CACNB2: variants seen among roughly 807,000 people sequenced by gnomAD.
CACNB2 encodes voltage-dependent L-type calcium channel subunit beta-2.
In CACNB2, 42 loss-of-function variants were observed where a neutral mutation model predicts 73.3. The ratio of observed to expected loss-of-function variants is 0.57; its 90% confidence interval spans 0.45 to 0.74. CACNB2 has a LOEUF of 0.74. CACNB2 is among the 30% of genes least tolerant of loss of function. CACNB2 has a pLI of 0.00. For missense variants in CACNB2, 940 were observed against 853.0 expected (o/e 1.10, Z -1.27); for synonymous variants, 348 against 310.3 (o/e 1.12, Z -1.28).
chr10:18,269,254 T>C (rs1028799494), intron 2 of CACNB2, among the ~76,000 whole-genome samples: 7 of 152,200 alleles, frequency 4.6e-5, no homozygotes, highest in African/African-American at 1.7e-4. Flanking sequence ...TGAATTATCA[T>C]CCGTCACTAA....
intron 2 of CACNB2, among the ~76,000 whole-genome samples, chr10:18,245,073 C>T (rs1351608137): frequency 8.2e-6 from 1 of 122,156 alleles, no homozygotes; most frequent in Non-Finnish European, 1.8e-5. Flanking sequence ...CCAGAAGGAA[C>T]ACAGCCTTGG....
intron 3 of CACNB2, among the ~76,000 whole-genome samples, chr10:18,479,871 G>A (rs182807691): frequency 3.0e-4 from 46 of 152,234 alleles, no homozygotes; most frequent in Middle Eastern, 3.4e-3. Flanking sequence ...TTATAGCAGT[G>A]TGAGAACAGA....
At chr10:18,500,316 G>A (rs1277492118) in intron 4 of CACNB2, among the ~76,000 whole-genome samples, 1 of 152,176 alleles carries the variant, frequency 6.6e-6, no homozygotes, top group Non-Finnish European at 1.5e-5. Flanking sequence ...CACAAGTAGA[G>A]AAATCATCTG....
In CACNB2 at chr10:18,159,182, A is replaced by T. The variant is rs1419869573; in HGVS notation, c.213+8207A>T. Among the ~76,000 whole-genome samples, 6 of 152,066 alleles carry T rather than the reference A, an allele frequency of 3.9e-5. No homozygotes were observed. The East Asian group carries it at 1.2e-3, about 29-fold the overall frequency. On this transcript the variant is annotated intron_variant, in intron 2 of 13. Transcript: ENST00000324631. ...AGAGGATGACTGCCAGCTTTGCTTT[A>T]TTTTTATGATTCCACAGCATGGCCA...
At chr10:18,238,768 A>G (rs527470329) in intron 2 of CACNB2, among the ~76,000 whole-genome samples, 1 of 152,222 alleles carries the variant, frequency 6.6e-6, no homozygotes, top group Non-Finnish European at 1.5e-5. Context: ...GTTTTAAAAA[A>G]CAATGTGGAA....
chr10:18,406,590 A>G (rs937482086), intron 3 of CACNB2, among the ~76,000 whole-genome samples: 1 of 152,190 alleles, frequency 6.6e-6, no homozygotes, highest in Admixed American at 6.5e-5. Context: ...ACTGTTTGCC[A>G]TCACCCCTGG....
intron 2 of CACNB2, among the ~76,000 whole-genome samples, chr10:18,262,769 T>A (rs2037613150): frequency 1.3e-5 from 2 of 152,252 alleles, no homozygotes; most frequent in Admixed American, 1.3e-4. Context: ...AAGAAATCCA[T>A]GGTTATGTGT....
chr10:18,523,691 T>C (rs16917418), intron 9 of CACNB2, among the ~76,000 whole-genome samples: 7,927 of 152,260 alleles, frequency 0.052, 628 homozygotes, highest in African/African-American at 0.17. Context: ...AGTAACTGAA[T>C]TATTGACTGT....
At chr10:18,411,506 ATTTTTTT>A (rs72400253) in intron 3 of CACNB2, among the ~76,000 whole-genome samples, 2 of 125,690 alleles carry the variant, frequency 1.6e-5, no homozygotes, top group African/African-American at 2.9e-5. Flanking sequence ...GTCTTTGAGC[ATTTTTTT>A]TTTTTTTTTT....
intron 2 of CACNB2, among the ~76,000 whole-genome samples, chr10:18,290,967 A>G (rs1480151298): frequency 6.6e-6 from 1 of 152,188 alleles, no homozygotes; most frequent in Non-Finnish European, 1.5e-5. Context: ...TGGGGCTTCT[A>G]ATTTGGTCCC....
At chr10:18,177,590 G>C (rs1008261479) in intron 2 of CACNB2, among the ~76,000 whole-genome samples, 8 of 149,472 alleles carry the variant, frequency 5.4e-5, no homozygotes, top group African/African-American at 2.0e-4. Flanking sequence ...AAAAAAAAAA[G>C]AAGAAGAAGA....
chr10:18,313,507 T>C (rs1193558046), intron 2 of CACNB2, among the ~76,000 whole-genome samples: 1 of 152,028 alleles, frequency 6.6e-6, no homozygotes, highest in African/African-American at 2.4e-5. Flanking sequence ...TAAATCTGTT[T>C]TCCTATTTGC....
chr10:18,240,602 T>C (rs1293365711), intron 2 of CACNB2, among the ~76,000 whole-genome samples: 2 of 152,210 alleles, frequency 1.3e-5, no homozygotes, highest in Non-Finnish European at 2.9e-5. Context: ...AAACTTGCGA[T>C]CTTGTCTCCC....
intron 3 of CACNB2, among the ~76,000 whole-genome samples, chr10:18,450,665 C>G: frequency 6.9e-6 from 1 of 145,140 alleles, no homozygotes; most frequent in Non-Finnish European, 1.5e-5. Context: ...CTCTGTCACT[C>G]AGGCTGGAGT....
intron 2 of CACNB2, among the ~76,000 whole-genome samples, chr10:18,188,266 G>A (rs2034242907): frequency 7.1e-6 from 1 of 141,334 alleles, no homozygotes; most frequent in South Asian, 2.1e-4. Flanking sequence ...TTTCCTTCTT[G>A]CCTCCTTTCC....
In CACNB2 at chr10:18,502,724, AC is replaced by A. The variant is rs1248069005; in HGVS notation, c.593+1778del. ...AAAAAAAAAAAAAAAAAAAAAAAAA[AC>A]CGCATGTTTTTACTTATAAGTGAGA... On this transcript the variant is annotated intron_variant, in intron 5 of 13. Transcript: ENST00000324631. Among the ~76,000 whole-genome samples the A allele has an allele frequency of 8.6e-4, 115 of 133,866 alleles. 2 individuals carry two copies. Among genetic ancestry groups the A allele is most frequent in the Non-Finnish European group, 7.3e-4 (46 of 63,102 alleles). The allele number at this position is 133,866 out of a possible 152,430, so 87.8% of individuals were successfully genotyped here.
intron 6 of CACNB2, among the ~76,000 whole-genome samples, chr10:18,510,078 GA>G (rs1331203976): frequency 6.6e-6 from 1 of 152,088 alleles, no homozygotes; most frequent in Non-Finnish European, 1.5e-5. Context: ...AATATGTTTT[GA>G]AAGTGACCAC....
chr10:18,460,662 G>A (rs957268438), intron 3 of CACNB2, among the ~76,000 whole-genome samples: 1 of 151,946 alleles, frequency 6.6e-6, no homozygotes, highest in African/African-American at 2.4e-5. Context: ...AGGTCAAGGC[G>A]GGAAGATCAC....
At chr10:18,364,950 A>G (rs1160270693) in intron 2 of CACNB2, among the ~76,000 whole-genome samples, 1 of 152,188 alleles carries the variant, frequency 6.6e-6, no homozygotes, top group South Asian at 2.1e-4. Flanking sequence ...TGCACTTAGG[A>G]TAGCATTTTT....
Sources: allele counts gnomAD v4.1 joint callset (sites outside exome capture counted in the v4.1 genomes callset), GRCh38; gene constraint gnomAD v4.1.1; transcripts MANE v1.5; gene names NCBI Gene and HGNC (gene_info 2026-07-23, HGNC 2026-07-21).